Variants in CFAP46 observed in about 807,000 individuals in gnomAD.
CFAP46 encodes cilia- and flagella-associated protein 46.
A neutral mutation model predicts 325.7 loss-of-function variants in CFAP46; 245 were observed. The observed-to-expected ratio is 0.75, with a 90% CI of 0.68 to 0.84. CFAP46 has a LOEUF of 0.84. Ranked by LOEUF, CFAP46 falls within the 40% of genes least tolerant of loss-of-function variation. The probability of loss-of-function intolerance (pLI) is 0.00; values close to 1 mark genes in which losing one functional copy is unlikely to be tolerated. For missense variants in CFAP46, 3,346 were observed against 3,543.0 expected (o/e 0.94, Z 1.41); for synonymous variants, 1,523 against 1,495.9 (o/e 1.02, Z -0.42).
In CFAP46 at chr10:132,856,273, T is replaced by C. The variant is rs146849965; in HGVS notation, c.5574+1317A>G. 9.2e-3 allele frequency among the ~76,000 whole-genome samples: 1,407 copies of C among 152,356 alleles called. 12 individuals are homozygous for C. Among genetic ancestry groups the C allele is most frequent in the South Asian group, 0.043 (209 of 4,828 alleles). ...TGCTCTTCTTGCACTGGTGTTAAAG[T>C]GTTTGGTTATGGTGTGCCCTGATAT... On this transcript the variant is annotated intron_variant, in intron 39 of 57. Transcript: ENST00000368586.
At chr10:132,837,754 G>GACACACACGCACACGT (rs1848285313) in intron 44 of CFAP46, among the ~76,000 whole-genome samples, 1 of 101,304 alleles carries the variant, frequency 9.9e-6, no homozygotes. Flanking sequence ...GATGCGCACG[G>GACACACACGCACACGT]ACACACACGC....
intron 19 of CFAP46, 48 bp downstream of exon 19, chr10:132,912,607 C>A: frequency 6.1e-6 from 2 of 327,592 alleles, no homozygotes; most frequent in Non-Finnish European, 8.4e-6. Context: ...CCTCTCTCCT[C>A]TCTCTCTCTC....
chr10:132,808,722 GGGGCAGAGCCAA>G lies in CFAP46; in HGVS notation c.7835_7846del (p.Leu2612_Ala2615del). On this transcript the variant is annotated inframe_deletion, in exon 58 of 58. Coordinates refer to ENST00000368586, the MANE Select transcript of CFAP46 (RefSeq NM_001200049.3). The surrounding 1 kb of genome is among the most constrained non-coding windows in gnomAD (Gnocchi z 6.8). The stretch of plus-strand genomic sequence containing the variant: ...CGGGAGGTGGGGATGGGTTGGCAGA[GGGGCAGAGCCAA>G]GGGCAGAGGCAAGTGCTGGGGCCCC... 1 of 1,570,008 alleles carries G rather than the reference GGGGCAGAGCCAA, an allele frequency of 6.4e-7. No individual in the cohort carries two copies. The highest frequency in any genetic ancestry group is 8.6e-7 in the Non-Finnish European group (1 of 1,157,770).
At chr10:132,887,623 TCTCTCCTCTCCCTTCTTCTCTCTCC>T (rs1849173509) in intron 25 of CFAP46, among the ~76,000 whole-genome samples, 3 of 46,988 alleles carry the variant, frequency 6.4e-5, no homozygotes, top group Non-Finnish European at 1.3e-4. Flanking sequence ...TCTCTCCTCT[TCTCTCCTCTCCCTTCTTCTCTCTCC>T]TCTCCTCTCT....
chr10:132,844,550 G>A (rs1308391293), intron 44 of CFAP46, among the ~76,000 whole-genome samples: 5 of 152,122 alleles, frequency 3.3e-5, no homozygotes, highest in Admixed American at 1.3e-4. Context: ...GCTGAGATTC[G>A]GTGCAGCTTT....
intron 24 of CFAP46, among the ~76,000 whole-genome samples, chr10:132,893,861 T>C (rs1242501851): frequency 6.6e-6 from 1 of 152,132 alleles, no homozygotes; most frequent in African/African-American, 2.4e-5. Context: ...AGAACTGAGG[T>C]TGCTGCAGCC....
At chr10:132,941,142 C>T in intron 3 of CFAP46, 82 bp from the exon 4 acceptor site, 2 of 1,421,146 alleles carry the variant, frequency 1.4e-6, no homozygotes, top group Non-Finnish European at 2.0e-6. Context: ...ACGGCTCCCT[C>T]ACGGTTGGCC....
intron 31 of CFAP46, among the ~76,000 whole-genome samples, chr10:132,873,901 AC>A (rs1241460125): frequency 1.3e-5 from 2 of 152,198 alleles, no homozygotes; most frequent in African/African-American, 2.4e-5. Flanking sequence ...TTCAATAAAA[AC>A]ATCCCAGAAA....
At chr10:132,814,120 T>G in intron 54 of CFAP46, 32 bp downstream of exon 54, 1 of 1,587,656 alleles carries the variant, frequency 6.3e-7, no homozygotes, top group Non-Finnish European at 8.6e-7. Flanking sequence ...CCTGCCACAC[T>G]GCAAACGGCT....
intron 43 of CFAP46, 66 bp from the exon 44 acceptor site, chr10:132,846,293 G>A (rs1248064704): frequency 1.6e-5 from 25 of 1,543,676 alleles, no homozygotes; most frequent in Admixed American, 1.1e-4. Flanking sequence ...TGCACCCTGC[G>A]GAGGGTGCGC....
At chr10:132,898,667 G>A (rs767789317) in intron 24 of CFAP46, 4 of 472,406 alleles carry the variant, frequency 8.5e-6, no homozygotes, top group Non-Finnish European at 3.9e-6. Flanking sequence ...TCTTAAGGCA[G>A]GGACTGTGCT....
At chr10:132,836,324 G>T in intron 45 of CFAP46, 106 bp from the exon 46 acceptor site, 1 of 1,010,678 alleles carries the variant, frequency 9.9e-7, no homozygotes, top group Non-Finnish European at 1.5e-6. Flanking sequence ...CAACTCTGCA[G>T]ACCATGGACG....
At chr10:132,824,699 C>G (rs1229918068) in intron 50 of CFAP46, among the ~76,000 whole-genome samples, 15 of 41,742 alleles carry the variant, frequency 3.6e-4, no homozygotes, top group African/African-American at 1.2e-3. Flanking sequence ...TGTGTGTGCG[C>G]TGATGTGTGC....
chr10:132,837,016 G>A (rs891860386), intron 44 of CFAP46, 102 bp from the exon 45 acceptor site: 4 of 927,374 alleles, frequency 4.3e-6, no homozygotes, highest in East Asian at 2.5e-5. Context: ...GAGCCACGGC[G>A]GGGGCTTTGT....
At chr10:132,906,421 GC>G (rs1849456455) in intron 22 of CFAP46, among the ~76,000 whole-genome samples, 1 of 152,284 alleles carries the variant, frequency 6.6e-6, no homozygotes, top group Admixed American at 6.5e-5. Flanking sequence ...GAACAGTAGT[GC>G]CTGCCAACCG....
intron 26 of CFAP46, 22 bp downstream of exon 26, chr10:132,885,799 A>G: frequency 2.6e-6 from 4 of 1,524,502 alleles, no homozygotes; most frequent in Non-Finnish European, 3.5e-6. Flanking sequence ...GAGCACTCAC[A>G]GGCGGTGGGG....
At chr10:132,888,289 G>A (rs1849196627) in intron 25 of CFAP46, among the ~76,000 whole-genome samples, 1 of 150,352 alleles carries the variant, frequency 6.7e-6, no homozygotes, top group South Asian at 2.1e-4. Context: ...CCCATCCTGG[G>A]TGCTTCCATA....
At chr10:132,904,997 T>C (rs1165274739) in intron 22 of CFAP46, among the ~76,000 whole-genome samples, 3 of 152,176 alleles carry the variant, frequency 2.0e-5, no homozygotes, top group Non-Finnish European at 4.4e-5. Context: ...GCCTCTCATC[T>C]TCTGGTCCCC....
chr10:132,897,346 C>G (rs1369965810), intron 24 of CFAP46, among the ~76,000 whole-genome samples: 2 of 152,194 alleles, frequency 1.3e-5, no homozygotes, highest in Non-Finnish European at 2.9e-5. Flanking sequence ...AAAATACTTG[C>G]AAATCAGGTA....
Sources: allele counts gnomAD v4.1 joint callset (sites outside exome capture counted in the v4.1 genomes callset), GRCh38; gene constraint gnomAD v4.1.1; non-coding constraint Gnocchi (gnomAD v3.1); transcripts MANE v1.5; gene names NCBI Gene and HGNC (gene_info 2026-07-23, HGNC 2026-07-21).